The following SHROOM4 variants were observed in gnomAD, a reference collection of about 807,000 sequenced individuals.
SHROOM4 encodes protein Shroom4.
SHROOM4 carries 17 observed loss-of-function variants against 80.3 expected under a neutral mutation model. The observed-to-expected ratio is 0.21, with a 90% confidence interval of 0.14 to 0.32. The LOEUF (loss-of-function observed/expected upper bound fraction) is 0.32, where lower values mean the gene tolerates loss of function less well. Among genes scored for constraint, SHROOM4 ranks in the 10% least tolerant of loss-of-function variants. The pLI is 1.00. For missense variants in SHROOM4, 993 were observed against 1,140.3 expected (o/e 0.87, Z 1.86); for synonymous variants, 400 against 437.5 (o/e 0.91, Z 1.07).
intron 1 of SHROOM4, among the ~76,000 whole-genome samples, chrX:50,704,253 A>G (rs1557263766): frequency 8.9e-6 from 1 of 112,285 alleles, no homozygotes; most frequent in African/African-American, 3.2e-5. Flanking sequence ...CAAACTGTGC[A>G]TTAATACTTG....
At chrX:50,584,877 T>G (rs1376891423), downstream of SHROOM4, among the ~76,000 whole-genome samples, 2 of 111,266 alleles carry the variant, frequency 1.8e-5, no homozygotes, top group Non-Finnish European at 3.8e-5. Context: ...TATAAAGTTT[T>G]GGAGCTATGA....
chrX:50,584,621 T>C (rs1557244617), downstream of SHROOM4, among the ~76,000 whole-genome samples: 1 of 111,395 alleles, frequency 9.0e-6, no homozygotes, highest in Non-Finnish European at 1.9e-5. Context: ...AGTGAATAGA[T>C]TTGAGACATA....
rs1928813880 is a variant in SHROOM4 at position 50,589,169 on chromosome X, A to G, written c.*7526T>C. Among the ~76,000 whole-genome samples, 1 of 111,501 alleles carries G rather than the reference A, an allele frequency of 9.0e-6. No individual in the cohort carries two copies. Among genetic ancestry groups the G allele is most frequent in the Non-Finnish European group, 1.9e-5 (1 of 53,089 alleles). On this transcript the variant is annotated 3_prime_UTR_variant, in exon 9 of 9. Transcript: ENST00000376020. ...ATAGTAAAGTCACTCCCAAATTCAAATATTGTAAATATTGTACCCTTTGGA... is the reference window on the plus strand; with the variant it reads ...ATAGTAAAGTCACTCCCAAATTCAAGTATTGTAAATATTGTACCCTTTGGA...
In SHROOM4 at chrX:50,654,051, G is replaced by C. The variant is rs1932217319; in HGVS notation, c.270-15743C>G. ...CTGCTGCTATTTTGGCTCTTGTGGG[G>C]TGCTGCTTTCCAAGGTAGGCTGGAA... On this transcript the variant is annotated intron_variant, in intron 2 of 8. Transcript: ENST00000376020. Among the ~76,000 whole-genome samples, 3 of 111,827 alleles carry C rather than the reference G, an allele frequency of 2.7e-5. No individual in the cohort carries two copies. The South Asian group carries it at 1.1e-3, about 42-fold the overall frequency.
At chrX:50,753,636 A>G (rs782640122) in intron 1 of SHROOM4, among the ~76,000 whole-genome samples, 21 of 111,914 alleles carry the variant, frequency 1.9e-4, no homozygotes, top group Admixed American at 5.7e-4. Context: ...ATATTAAAAA[A>G]GAACACAAAA....
intron 5 of SHROOM4, among the ~76,000 whole-genome samples, chrX:50,609,101 T>C (rs782346787): frequency 8.3e-5 from 9 of 108,243 alleles, no homozygotes; most frequent in Non-Finnish European, 1.5e-4. Context: ...TGTCTCTAAA[T>C]TTTTTTTTTA....
In SHROOM4 at chrX:50,598,412, C is replaced by T. The variant is rs137923286; in HGVS notation, c.4066G>A (p.Val1356Ile). The change falls in exon 8 of 9, where the codon GTC becomes ATC. Residue 1356 changes from valine to isoleucine, a missense_variant. By Grantham distance (29) the Val-to-Ile change is conservative (BLOSUM62 3). Transcript: ENST00000376020. ...TTTTCAAATTCATTGGATTTGCAGA[C>T]GGCTTTTAAGTTGGCCTCCACCTCC... ...GEEVEANLKA[V>I]CKSNEFEKYH... The T allele has an allele frequency of 8.5e-4, 1,022 of 1,207,779 alleles. 5 individuals are homozygous for T. In the Admixed American group the frequency reaches 0.017, roughly 20 times the overall value.
In SHROOM4 at chrX:50,602,608, T is replaced by C. The variant is rs782728739; in HGVS notation, c.3942+25A>G. The C allele has an allele frequency of 4.1e-6, 5 of 1,206,023 alleles. No individual in the cohort carries two copies. In the South Asian group the frequency reaches 7.0e-5, roughly 17 times the overall value. ...ACATTCAAGCTAAATTCTGAAAATC[T>C]CTAGGACACATCAAAAAACTTTACC... On this transcript the variant is annotated intron_variant, in intron 7 of 8. Transcript: ENST00000376020.
chrX:50,782,247 C>A (rs891963163), intron 1 of SHROOM4, among the ~76,000 whole-genome samples: 2 of 110,854 alleles, frequency 1.8e-5, no homozygotes, highest in Non-Finnish European at 3.8e-5. Flanking sequence ...CAACTGTATA[C>A]AATTAGTAAA....
At chrX:50,585,780 C>T (rs1928747409), downstream of SHROOM4, among the ~76,000 whole-genome samples, 1 of 111,417 alleles carries the variant, frequency 9.0e-6, no homozygotes, top group Admixed American at 9.5e-5. Flanking sequence ...CAGCGAGCTC[C>T]CAAAGATACA....
chrX:50,810,700 C>T (rs1666441193), intron 1 of SHROOM4, among the ~76,000 whole-genome samples: 1 of 112,079 alleles, frequency 8.9e-6, no homozygotes, highest in Non-Finnish European at 1.9e-5. Context: ...AGACTAGATA[C>T]ATCCCTGAAA....
At chrX:50,712,491 T>A (rs1933844097) in intron 1 of SHROOM4, among the ~76,000 whole-genome samples, 1 of 111,777 alleles carries the variant, frequency 8.9e-6, no homozygotes, top group Non-Finnish European at 1.9e-5. Flanking sequence ...GCTACCCCAT[T>A]CTCCATGATG....
At chrX:50,757,053 A>G (rs1176376656) in intron 1 of SHROOM4, among the ~76,000 whole-genome samples, 1 of 111,474 alleles carries the variant, frequency 9.0e-6, no homozygotes, top group African/African-American at 3.3e-5. Context: ...TATCTTAGAA[A>G]TCTTTGTGTA....
chrX:50,624,970 A>G (rs1304186969), intron 5 of SHROOM4, among the ~76,000 whole-genome samples: 1 of 111,901 alleles, frequency 8.9e-6, no homozygotes, highest in East Asian at 2.8e-4. Context: ...GCAAATTAAT[A>G]CTATAATAGG....
chrX:50,792,509 A>AG (rs1557271650), intron 1 of SHROOM4, among the ~76,000 whole-genome samples: 1 of 103,807 alleles, frequency 9.6e-6, no homozygotes, highest in East Asian at 3.0e-4. Flanking sequence ...CTCTCTCAGG[A>AG]AAAAAAAAAA....
intron 1 of SHROOM4, among the ~76,000 whole-genome samples, chrX:50,781,997 T>C (rs1557270711): frequency 9.0e-6 from 1 of 111,522 alleles, no homozygotes; most frequent in African/African-American, 3.3e-5. Flanking sequence ...TCACTTGAGG[T>C]CAGGAGTTCG....
chrX:50,802,213 T>C (rs1429379141), intron 1 of SHROOM4, among the ~76,000 whole-genome samples: 1 of 112,244 alleles, frequency 8.9e-6, no homozygotes, highest in Non-Finnish European at 1.9e-5. Context: ...TCTACTATCT[T>C]TGGGGCATAA....
intron 1 of SHROOM4, among the ~76,000 whole-genome samples, chrX:50,766,623 G>A (rs1557269346): frequency 9.0e-6 from 1 of 111,516 alleles, no homozygotes; most frequent in South Asian, 3.7e-4. Flanking sequence ...GGGGAGTGGG[G>A]AAGACAGAAT....
chrX:50,740,641 G>A (rs2031468309), intron 1 of SHROOM4, among the ~76,000 whole-genome samples: 1 of 111,475 alleles, frequency 9.0e-6, no homozygotes, highest in Admixed American at 9.6e-5. Flanking sequence ...GCCTAGAACT[G>A]TAGAATACAT....
Sources: gnomAD v4.1 joint callset for allele counts (sites outside exome capture counted in the v4.1 genomes callset) on GRCh38, gnomAD v4.1.1 for gene constraint, MANE v1.5 for transcripts, NCBI Gene and HGNC (gene_info 2026-07-23, HGNC 2026-07-21) for gene names.